ASTN2: variants seen among roughly 807,000 people sequenced by gnomAD.
ASTN2 encodes the protein astrotactin-2.
ASTN2 carries 54 observed loss-of-function variants against 139.8 expected under a neutral mutation model. The observed-to-expected ratio is 0.39, with a 90% confidence interval of 0.31 to 0.48. The LOEUF (loss-of-function observed/expected upper bound fraction) is 0.48. Among genes scored for constraint, ASTN2 ranks in the 20% least tolerant of loss-of-function variants. The probability of loss-of-function intolerance (pLI) is 0.95; values close to 1 mark genes in which losing one functional copy is unlikely to be tolerated. For missense variants in ASTN2, 1,565 were observed against 1,725.1 expected (o/e 0.91, Z 1.64); for synonymous variants, 756 against 719.5 (o/e 1.05, Z -0.81).
intron 19 of ASTN2, among the ~76,000 whole-genome samples, chr9:116,616,780 G>GACACAC (rs59771463): frequency 2.2e-4 from 33 of 149,682 alleles, no homozygotes; most frequent in Non-Finnish European, 3.7e-4. Flanking sequence ...GAAGGACAAA[G>GACACAC]ACACACACAC....
intron 20 of ASTN2, among the ~76,000 whole-genome samples, chr9:116,470,924 T>C (rs964556694): frequency 2.0e-5 from 3 of 152,170 alleles, no homozygotes; most frequent in African/African-American, 7.2e-5. Context: ...GGTATTGAGA[T>C]TCCTGGAAGA....
At chr9:117,194,740 G>C (rs1039177927) in intron 3 of ASTN2, among the ~76,000 whole-genome samples, 1 of 152,186 alleles carries the variant, frequency 6.6e-6, no homozygotes, top group Non-Finnish European at 1.5e-5. Flanking sequence ...ATCAGATAAA[G>C]CTGGGTTCAA....
chr9:116,879,496 C>A (rs1833395930), intron 10 of ASTN2, among the ~76,000 whole-genome samples: 1 of 152,150 alleles, frequency 6.6e-6, no homozygotes, highest in Admixed American at 6.5e-5. Context: ...ACAACTTATT[C>A]AACCTCTCTT....
intron 3 of ASTN2, among the ~76,000 whole-genome samples, chr9:117,146,502 A>G (rs1293112974): frequency 6.6e-6 from 1 of 151,574 alleles, no homozygotes; most frequent in Admixed American, 6.6e-5. Flanking sequence ...CAAGAATAAA[A>G]GAGATAACTG....
intron 2 of ASTN2, among the ~76,000 whole-genome samples, chr9:117,227,775 G>A (rs1195953682): frequency 6.6e-6 from 1 of 152,086 alleles, no homozygotes; most frequent in Non-Finnish European, 1.5e-5. Flanking sequence ...AGGAAGAGGT[G>A]GTCTGAATTC....
At chr9:117,268,217 G>C (rs1004263479) in intron 2 of ASTN2, among the ~76,000 whole-genome samples, 1 of 152,094 alleles carries the variant, frequency 6.6e-6, no homozygotes, top group South Asian at 2.1e-4. Flanking sequence ...GTCCACCTGC[G>C]TTCATCAGTC....
At chr9:117,138,509 C>T (rs1022351920) in intron 4 of ASTN2, among the ~76,000 whole-genome samples, 2 of 152,158 alleles carry the variant, frequency 1.3e-5, no homozygotes, top group Non-Finnish European at 2.9e-5. Flanking sequence ...GAGCCAGATC[C>T]GCAAGCCAAG....
rs553494346 is a variant in ASTN2 at position 116,618,569 on chromosome 9, C to T, written c.3207-97G>A. Reference sequence around the variant, plus strand: ...GTCAAGATGAAGCATAGGTTTCAGTCTGAATTTAAATCTTGATTCCACCCA... The same window carrying T: ...GTCAAGATGAAGCATAGGTTTCAGTTTGAATTTAAATCTTGATTCCACCCA... On this transcript the variant is annotated intron_variant, in intron 18 of 22. Coordinates refer to ENST00000313400, the MANE Select transcript of ASTN2 (RefSeq NM_001365068.1). 485 of 1,387,966 alleles carry T rather than the reference C, an allele frequency of 3.5e-4. 3 individuals are homozygous for T. In the African/African-American group the frequency reaches 6.5e-3, roughly 19 times the overall value. The allele number at this position is 1,387,966 out of a possible 1,614,324, so 86.0% of individuals were successfully genotyped here.
At chr9:116,676,333 G>C (rs769247154) in intron 16 of ASTN2, among the ~76,000 whole-genome samples, 32 of 152,190 alleles carry the variant, frequency 2.1e-4, no homozygotes, top group Non-Finnish European at 4.6e-4. Context: ...TTAGGCCATA[G>C]CAAATCTGGT....
intron 19 of ASTN2, among the ~76,000 whole-genome samples, chr9:116,493,885 C>T (rs1337076526): frequency 6.6e-6 from 1 of 152,104 alleles, no homozygotes; most frequent in African/African-American, 2.4e-5. Flanking sequence ...TCGGGAAACA[C>T]CAAGAGGATT....
chr9:116,563,739 C>T (rs535228883), intron 19 of ASTN2, among the ~76,000 whole-genome samples: 170 of 151,914 alleles, frequency 1.1e-3, no homozygotes, highest in African/African-American at 4.0e-3. Context: ...TACTTTTTTC[C>T]TTTTCCTGTC....
At chr9:117,298,248 T>C (rs892336245) in intron 1 of ASTN2, among the ~76,000 whole-genome samples, 1 of 152,244 alleles carries the variant, frequency 6.6e-6, no homozygotes, top group Non-Finnish European at 1.5e-5. Flanking sequence ...CACTTAAATA[T>C]TAATTCTCAC....
intron 3 of ASTN2, among the ~76,000 whole-genome samples, chr9:117,153,185 T>G (rs1214299268): frequency 6.6e-6 from 1 of 151,970 alleles, no homozygotes; most frequent in Non-Finnish European, 1.5e-5. Flanking sequence ...CTCCCACACT[T>G]GCATCTGACA....
chr9:116,480,109 GAAGA>G (rs1564306443), intron 20 of ASTN2, among the ~76,000 whole-genome samples: 1 of 151,698 alleles, frequency 6.6e-6, no homozygotes, highest in Non-Finnish European at 1.5e-5. Context: ...AAGGATGGGT[GAAGA>G]AAGGAAGGAA....
intron 5 of ASTN2, among the ~76,000 whole-genome samples, chr9:117,060,867 A>C (rs1698129598): frequency 6.6e-6 from 1 of 152,092 alleles, no homozygotes; most frequent in Admixed American, 6.5e-5. Context: ...TGCACTCCAG[A>C]CTGGGTGACA....
At chr9:116,527,827 C>T (rs192176380) in intron 19 of ASTN2, among the ~76,000 whole-genome samples, 1 of 152,158 alleles carries the variant, frequency 6.6e-6, no homozygotes, top group Admixed American at 6.5e-5. Context: ...GCACTTCCCA[C>T]CCCCCTCACT....
At chr9:117,326,761 G>A (rs1316069931) in intron 1 of ASTN2, among the ~76,000 whole-genome samples, 1 of 145,572 alleles carries the variant, frequency 6.9e-6, no homozygotes, top group Non-Finnish European at 1.5e-5. Flanking sequence ...CAAGTGCCAA[G>A]AGAGAGTATC....
chr9:117,406,526 C>T (rs971408242), intron 1 of ASTN2, among the ~76,000 whole-genome samples: 2 of 152,046 alleles, frequency 1.3e-5, no homozygotes, highest in Non-Finnish European at 2.9e-5. Context: ...CCAGCCACAC[C>T]GACCTTCATG....
intron 3 of ASTN2, among the ~76,000 whole-genome samples, chr9:117,164,599 T>C (rs1250097297): frequency 6.6e-6 from 1 of 152,092 alleles, no homozygotes; most frequent in Non-Finnish European, 1.5e-5. Flanking sequence ...AAGTGTGTTA[T>C]TCATGGGTAG....
Sources: allele counts gnomAD v4.1 joint callset (sites outside exome capture counted in the v4.1 genomes callset), GRCh38; gene constraint gnomAD v4.1.1; transcripts MANE v1.5; gene names NCBI Gene and HGNC (gene_info 2026-07-23, HGNC 2026-07-21).